The following RNF150 variants were observed in gnomAD, a reference collection of about 807,000 sequenced individuals.
The protein encoded by RNF150 is ring finger protein 150.
In RNF150, 24 loss-of-function variants were observed where a neutral mutation model predicts 39.3. The ratio of observed to expected loss-of-function variants is 0.61; its 90% CI spans 0.44 to 0.86. The LOEUF is 0.86. RNF150 is among the 40% of genes least tolerant of loss of function. The pLI is 0.00. For synonymous variants in RNF150, 255 were observed against 227.3 expected (o/e 1.12, Z -1.10); for missense variants, 502 against 587.8 (o/e 0.85, Z 1.51).
At chr4:141,176,312 G>A (rs538241389) in intron 1 of RNF150, among the ~76,000 whole-genome samples, 2 of 152,178 alleles carry the variant, frequency 1.3e-5, no homozygotes, top group Admixed American at 1.3e-4. Context: ...CACCTTGAGG[G>A]ATAATGTTTC....
At chr4:141,075,267 C>G (rs972171481) in intron 1 of RNF150, among the ~76,000 whole-genome samples, 16 of 152,236 alleles carry the variant, frequency 1.1e-4, no homozygotes, top group African/African-American at 3.4e-4. Context: ...ATAGGCGATA[C>G]TTAAACAAAT....
At chr4:141,183,860 G>A (rs189096656) in intron 1 of RNF150, among the ~76,000 whole-genome samples, 71 of 152,266 alleles carry the variant, frequency 4.7e-4, no homozygotes, top group African/African-American at 1.5e-3. Flanking sequence ...TACCGGCAGA[G>A]TATTCCATGG....
At chr4:141,076,367 T>C (rs1737896171) in intron 1 of RNF150, among the ~76,000 whole-genome samples, 1 of 152,156 alleles carries the variant, frequency 6.6e-6, no homozygotes, top group Admixed American at 6.5e-5. Flanking sequence ...TTCCTTTTCA[T>C]CCTCTCTGAA....
intron 1 of RNF150, among the ~76,000 whole-genome samples, chr4:141,122,790 G>C (rs1373625836): frequency 1.3e-5 from 2 of 152,136 alleles, no homozygotes; most frequent in Non-Finnish European, 2.9e-5. Flanking sequence ...TTAGAGTGTG[G>C]ATGGTTCTTA....
intron 1 of RNF150, among the ~76,000 whole-genome samples, chr4:141,165,738 C>A (rs1032408227): frequency 2.6e-5 from 4 of 152,080 alleles, no homozygotes; most frequent in Non-Finnish European, 4.4e-5. Flanking sequence ...TAAATAAGTT[C>A]TTGGAAGCCA....
Position 140,999,999 on chromosome 4 carries a change from G to GAA in RNF150, c.485-32128_485-32127dup, listed in dbSNP as rs200920078. On this transcript the variant is annotated intron_variant, in intron 1 of 6. Coordinates refer to ENST00000515673, the MANE Select transcript of RNF150 (RefSeq NM_020724.2). The stretch of plus-strand genomic sequence containing the variant: ...AGAAAAGAAGAAAAGAAGAAAAGAA[G>GAA]AAGAAGAAGAAGAAGAAGAAGAAGA... Among the ~76,000 whole-genome samples, 111 of 36,568 alleles carry GAA rather than the reference G, an allele frequency of 3.0e-3. 1 individual carries two copies. The highest frequency in any genetic ancestry group is 4.9e-3 in the African/African-American group (56 of 11,516). 24.0% of individuals were successfully genotyped at this position (36,568 alleles called of 152,430 possible). A position where few individuals can be genotyped will look rare whatever the true frequency, so the allele number is the denominator to read the frequency against.
chr4:140,896,701 CAAAA>C (rs75374341), intron 6 of RNF150, among the ~76,000 whole-genome samples: 10,248 of 43,636 alleles, frequency 0.23, 728 homozygotes, highest in East Asian at 0.55. Context: ...AAAAAAAAAA[CAAAA>C]AAACAAACAA....
chr4:140,885,530 G>A (rs530171250), intron 6 of RNF150, among the ~76,000 whole-genome samples: 20 of 147,198 alleles, frequency 1.4e-4, no homozygotes, highest in African/African-American at 4.1e-4. Flanking sequence ...ACTGCCTCCC[G>A]GGTTCAAGCG....
intron 1 of RNF150, among the ~76,000 whole-genome samples, chr4:141,039,202 T>A (rs1382680001): frequency 6.6e-6 from 1 of 152,172 alleles, no homozygotes; most frequent in Non-Finnish European, 1.5e-5. Flanking sequence ...GCCTCTTTCA[T>A]GAAAAGTAGG....
chr4:141,157,362 G>T (rs1352557704), intron 1 of RNF150, among the ~76,000 whole-genome samples: 1 of 152,112 alleles, frequency 6.6e-6, no homozygotes, highest in Non-Finnish European at 1.5e-5. Flanking sequence ...TATAACCATG[G>T]CTAAATTCAA....
chr4:140,889,483 C>T (rs542318558), intron 6 of RNF150, among the ~76,000 whole-genome samples: 2 of 152,260 alleles, frequency 1.3e-5, no homozygotes, highest in East Asian at 3.9e-4. Flanking sequence ...TCCTCCTAAC[C>T]CCAATCATTG....
intron 1 of RNF150, among the ~76,000 whole-genome samples, chr4:141,169,615 C>T (rs1050172503): frequency 1.3e-5 from 2 of 152,070 alleles, no homozygotes; most frequent in African/African-American, 2.4e-5. Flanking sequence ...AGGAAGTATG[C>T]CTGACATGGG....
At chr4:141,059,549 G>A (rs1312449665) in intron 1 of RNF150, among the ~76,000 whole-genome samples, 2 of 151,976 alleles carry the variant, frequency 1.3e-5, no homozygotes, top group Middle Eastern at 6.8e-3. Flanking sequence ...TCATCCAGTT[G>A]CAATTCTCTA....
At chr4:141,071,234 G>C (rs1315112879) in intron 1 of RNF150, among the ~76,000 whole-genome samples, 1 of 128,352 alleles carries the variant, frequency 7.8e-6, no homozygotes, top group Admixed American at 8.4e-5. Flanking sequence ...GACTGTGGTG[G>C]GGTGGGGGGA....
intron 1 of RNF150, among the ~76,000 whole-genome samples, chr4:141,074,695 C>T (rs1737831280): frequency 6.6e-6 from 1 of 152,188 alleles, no homozygotes; most frequent in South Asian, 2.1e-4. Flanking sequence ...GGCTTCTCCT[C>T]TACCACTATG....
rs1285563827 is a variant in RNF150, at chr4:140,995,772, C to T, written c.485-27899G>A. ...CTTATTTCACTTAATGTAATGCTCT[C>T]CAGTTCCATCCATATTGTTGCAAAT... On this transcript the variant is annotated intron_variant, in intron 1 of 6. Transcript: ENST00000515673. 2.6e-5 allele frequency among the ~76,000 whole-genome samples: 4 copies of T among 152,228 alleles called. No individual in the cohort carries two copies. The East Asian group carries it at 7.7e-4, about 29-fold the overall frequency.
chr4:141,088,615 G>T (rs1026068997), intron 1 of RNF150, among the ~76,000 whole-genome samples: 3 of 151,662 alleles, frequency 2.0e-5, no homozygotes, highest in African/African-American at 7.3e-5. Context: ...TGGCAACTCT[G>T]CAGTTGTCAA....
At chr4:140,882,287 G>A (rs978495026) in intron 6 of RNF150, among the ~76,000 whole-genome samples, 6 of 152,172 alleles carry the variant, frequency 3.9e-5, no homozygotes, top group African/African-American at 1.4e-4. Flanking sequence ...CCAGAGTGCT[G>A]GGATTACAGG....
chr4:141,164,894 T>C (rs1405222335), intron 1 of RNF150, among the ~76,000 whole-genome samples: 1 of 152,110 alleles, frequency 6.6e-6, no homozygotes. Flanking sequence ...CATCAACTAA[T>C]AGGTAAAATA....
Sources: allele counts gnomAD v4.1 joint callset (sites outside exome capture counted in the v4.1 genomes callset), GRCh38; gene constraint gnomAD v4.1.1; transcripts MANE v1.5; gene names NCBI Gene and HGNC (gene_info 2026-07-23, HGNC 2026-07-21).